DLGAP4: variants seen among roughly 807,000 people sequenced by gnomAD.
The protein encoded by DLGAP4 is disks large-associated protein 4.
Under a neutral mutation model 86.9 loss-of-function variants are expected in DLGAP4, and 18 were observed. The observed-to-expected ratio is 0.21, with a 90% confidence interval of 0.14 to 0.31. The LOEUF is 0.31. DLGAP4 is among the 10% of genes least tolerant of loss of function. The pLI is 1.00. For missense variants in DLGAP4, 1,085 were observed against 1,362.6 expected (o/e 0.80, Z 3.21); for synonymous variants, 548 against 574.3 (o/e 0.95, Z 0.65).
intron 2 of DLGAP4, among the ~76,000 whole-genome samples, chr20:36,391,254 C>T (rs1478347096): frequency 1.3e-5 from 2 of 152,174 alleles, no homozygotes; most frequent in Non-Finnish European, 2.9e-5. Flanking sequence ...CCATGAACTC[C>T]TCTGCAACCC....
rs1555889477 is a variant in DLGAP4 at position 36,306,388 on chromosome 20, C to T, written c.-428C>T. The T allele has an allele frequency of 1.3e-5, 2 of 149,594 alleles. No homozygotes were observed. The highest frequency in any genetic ancestry group is 4.9e-5 in the African/African-American group (2 of 41,068). 9.3% of individuals were successfully genotyped at this position (149,594 alleles called of 1,614,324 possible). On this transcript the variant is annotated 5_prime_UTR_variant, in exon 1 of 13. Transcript: ENST00000339266. The surrounding 1 kb of genome is among the most constrained non-coding windows in gnomAD (Gnocchi z 4.9). ...CGGCCGGAGGAGAGGCATGGGGCGC[C>T]CGCGGGCCGGAGCCGGGGCGGGGGC...
chr20:36,332,910 T>C (rs2065284378), intron 1 of DLGAP4, among the ~76,000 whole-genome samples: 1 of 152,140 alleles, frequency 6.6e-6, no homozygotes. Flanking sequence ...TGCCACCATG[T>C]ATATTCATGG....
intron 1 of DLGAP4, among the ~76,000 whole-genome samples, chr20:36,316,205 G>T (rs1337108730): frequency 2.6e-4 from 39 of 152,266 alleles, no homozygotes; most frequent in Non-Finnish European, 7.4e-5. Flanking sequence ...TCCTGCTGGT[G>T]CGTCCTCCAC....
At chr20:36,441,151 C>A (rs2033436274) in intron 5 of DLGAP4, among the ~76,000 whole-genome samples, 1 of 152,170 alleles carries the variant, frequency 6.6e-6, no homozygotes, top group African/African-American at 2.4e-5. Flanking sequence ...CTCCCACCTC[C>A]CCCTGAGGGA....
intron 7 of DLGAP4, among the ~76,000 whole-genome samples, chr20:36,493,677 A>G (rs1342889817): frequency 6.6e-6 from 1 of 152,230 alleles, no homozygotes; most frequent in African/African-American, 2.4e-5. Flanking sequence ...AGCCCAGCCC[A>G]GCGAGGAGGG....
intron 2 of DLGAP4, among the ~76,000 whole-genome samples, chr20:36,430,954 CTAAAAAAAAAA>C (rs1489925303): frequency 1.6e-5 from 1 of 64,476 alleles, no homozygotes; most frequent in African/African-American, 4.3e-5. Flanking sequence ...GACTCTGTCT[CTAAAAAAAAAA>C]AAAAAAAAAG....
chr20:36,349,865 C>T (rs112458839), intron 1 of DLGAP4, among the ~76,000 whole-genome samples: 7 of 152,172 alleles, frequency 4.6e-5, no homozygotes, highest in African/African-American at 1.7e-4. Flanking sequence ...AACTAAATTC[C>T]CCAAGGTATT....
chr20:36,386,971 T>C (rs565995884), intron 2 of DLGAP4, among the ~76,000 whole-genome samples: 2 of 152,374 alleles, frequency 1.3e-5, no homozygotes, highest in Non-Finnish European at 2.9e-5. Flanking sequence ...TAGTATTCCA[T>C]TGTATGCTTA....
rs544609389 is a variant in DLGAP4, at chr20:36,451,766, ATT to A, written c.1648+4845_1648+4846del. Among the ~76,000 whole-genome samples, 478 of 130,672 alleles carry A rather than the reference ATT, an allele frequency of 3.7e-3. 2 individuals are homozygous for A. Among genetic ancestry groups the A allele is most frequent in the African/African-American group, 0.012 (418 of 35,674 alleles). The allele number at this position is 130,672 out of a possible 152,430, so 85.7% of individuals were successfully genotyped here. A position where few individuals can be genotyped will look rare whatever the true frequency, so the allele number is the denominator to read the frequency against. ...GGTTTCATCTTTGCCCTGAGGCTGT[ATT>A]TTTTTTTTTTTTTTTGAGTTTCGCT... is the stretch of plus-strand genomic sequence containing the variant. On this transcript the variant is annotated intron_variant, in intron 7 of 12. Transcript: ENST00000339266.
At chr20:36,511,984 T>C (rs979918942) in intron 10 of DLGAP4, among the ~76,000 whole-genome samples, 2 of 151,994 alleles carry the variant, frequency 1.3e-5, no homozygotes, top group African/African-American at 4.8e-5. Flanking sequence ...CCAACATGGT[T>C]CTCTTGGATT....
In DLGAP4 at chr20:36,320,270, C is replaced by A. The variant is rs1307798815; in HGVS notation, c.-304+13758C>A. 2.6e-5 allele frequency among the ~76,000 whole-genome samples: 4 copies of A among 151,182 alleles called. No individual in the cohort carries two copies. The East Asian group carries it at 5.9e-4, about 22-fold the overall frequency. ...TCTCCCAGGCCTCCCTTTATCCCCT[C>A]CTCTAAGCCCTCCTCTGTGTCCCCC... On this transcript the variant is annotated intron_variant, in intron 1 of 12. Coordinates refer to ENST00000339266, the MANE Select transcript of DLGAP4 (RefSeq NM_001365621.2).
intron 7 of DLGAP4, among the ~76,000 whole-genome samples, chr20:36,486,985 G>A (rs1448255871): frequency 4.6e-5 from 7 of 152,154 alleles, no homozygotes; most frequent in African/African-American, 1.2e-4. Context: ...AAACTGTCAG[G>A]GTTCCAAGAG....
At chr20:36,442,608 G>C in intron 5 of DLGAP4, 119 bp from the exon 6 acceptor site, 1 of 1,108,330 alleles carries the variant, frequency 9.0e-7, no homozygotes, top group South Asian at 1.3e-5. Context: ...CTGTGTCCCA[G>C]CCAGTCTGGG....
At chr20:36,471,821 A>G (rs1280175146) in intron 7 of DLGAP4, among the ~76,000 whole-genome samples, 1 of 152,178 alleles carries the variant, frequency 6.6e-6, no homozygotes, top group African/African-American at 2.4e-5. Context: ...TAGGGCAGCT[A>G]TTGGTAGGTG....
At chr20:36,417,533 G>A (rs553752230) in intron 2 of DLGAP4, among the ~76,000 whole-genome samples, 14 of 151,872 alleles carry the variant, frequency 9.2e-5, no homozygotes, top group African/African-American at 2.4e-4. Flanking sequence ...AGGTGTACAC[G>A]GCTACACCTG....
At position 36,496,864 on chromosome 20, in the gene DLGAP4, C is replaced by T. The variant is rs536486114; in HGVS notation, c.1808C>T (p.Ser603Leu). ...CACAAGAGCGAGGTGACTAGCCAGT[C>T]GGGCCTGAGCAACTCGTCGGACAGC... is the stretch of plus-strand genomic sequence containing the variant. ...QDHKSEVTSQ[S>L]GLSNSSDSLD... Residue 603 changes from serine (S) to leucine (L), a missense_variant, in exon 8 of 13, where the codon TCG becomes TTG. By Grantham distance (145) the Ser-to-Leu change is moderately radical. Around this residue, in one of 2 missense-constraint regions of DLGAP4, gnomAD observed 1,082 missense variants for 1,344.1 expected, o/e 0.81. Coordinates refer to ENST00000339266, the MANE Select transcript of DLGAP4 (RefSeq NM_001365621.2). 12 of 1,614,208 alleles carry T rather than the reference C, an allele frequency of 7.4e-6. No homozygotes were observed. Among genetic ancestry groups the T allele is most frequent in the South Asian group, 2.2e-5 (2 of 91,082 alleles).
chr20:36,446,546 C>G, intron 6 of DLGAP4, 151 bp from the exon 7 acceptor site: 3 of 685,830 alleles, frequency 4.4e-6, no homozygotes, highest in Non-Finnish European at 7.3e-6. Context: ...GCTCCATCTC[C>G]CCATCCCATA....
intron 7 of DLGAP4, among the ~76,000 whole-genome samples, chr20:36,495,222 A>G (rs1321961422): frequency 1.3e-5 from 2 of 151,948 alleles, no homozygotes; most frequent in East Asian, 3.9e-4. Flanking sequence ...CTTTTTCTCC[A>G]CATTCTCAAT....
chr20:36,323,167 C>A (rs1008405848), intron 1 of DLGAP4, among the ~76,000 whole-genome samples: 6 of 129,654 alleles, frequency 4.6e-5, no homozygotes, highest in Admixed American at 7.9e-5. Context: ...GACACAGAGA[C>A]CCTATCTCAA....
Sources: gnomAD v4.1 joint callset for allele counts (sites outside exome capture counted in the v4.1 genomes callset) on GRCh38, gnomAD v4.1.1 for gene constraint, gnomAD v4.1.1 regional missense constraint, Gnocchi (gnomAD v3.1) non-coding constraint, MANE v1.5 for transcripts, NCBI Gene and HGNC (gene_info 2026-07-23, HGNC 2026-07-21) for gene names.